Variants in TTC28 observed in about 807,000 individuals in gnomAD.
TTC28 encodes tetratricopeptide repeat domain 28, also known as tetratricopeptide repeat protein 28.
In TTC28, 61 loss-of-function variants were observed where a neutral mutation model predicts 198.0. The observed-to-expected ratio is 0.31, with a 90% CI of 0.25 to 0.38. TTC28 has a LOEUF of 0.38. TTC28 is among the 10% of genes least tolerant of loss of function. The pLI, the probability that TTC28 is intolerant of heterozygous loss-of-function variation, is 1.00. For missense variants in TTC28, 2,678 were observed against 3,164.0 expected, an observed-to-expected ratio of 0.85 and a Z score of 3.69; for synonymous variants, 1,171 against 1,297.8, an observed-to-expected ratio of 0.90 and a Z score of 2.10.
Position 28,191,430 on chromosome 22 carries a change from C to G in TTC28, c.934-27831G>C, listed in dbSNP as rs570685662. ...GCGGGTTCATCTCACTAGGGAGTGTCGGACAGTGGGTGCAGGTCAGTGGGT... is the reference window on the plus strand; with the variant it reads ...GCGGGTTCATCTCACTAGGGAGTGTGGGACAGTGGGTGCAGGTCAGTGGGT... On this transcript the variant is annotated intron_variant, in intron 5 of 22. Coordinates refer to ENST00000397906, the MANE Select transcript of TTC28 (RefSeq NM_001145418.2). 9.2e-4 allele frequency among the ~76,000 whole-genome samples: 140 copies of G among 152,308 alleles called. 1 individual carries two copies. The highest frequency in any genetic ancestry group is 3.2e-3 in the African/African-American group (133 of 41,574).
chr22:28,094,213 C>T lies in TTC28; in HGVS notation c.3799G>A (p.Glu1267Lys). The T allele has an allele frequency of 6.4e-7, 1 of 1,550,920 alleles. No individual in the cohort carries two copies. The highest frequency in any genetic ancestry group is 1.2e-5 in the South Asian group (1 of 83,914). ...TCACTTGAGTTTTCCACTGTGTTCT[C>T]ACCCAGGTAGTGTTCATGAAACTTC... The part of the protein sequence containing the change: ...IVKFHEHYLG[E>K]NTVENSSDFQ... Residue 1267 changes from glutamate to lysine, a missense_variant, in exon 12 of 23, where the codon GAG becomes AAG. This residue lies in a region of TTC28 where 727 missense variants were observed against 861.9 expected (regional missense o/e 0.84). Coordinates refer to ENST00000397906, the MANE Select transcript of TTC28 (RefSeq NM_001145418.2).
chr22:28,251,054 G>A (rs1569221792), intron 5 of TTC28, among the ~76,000 whole-genome samples: 2 of 152,206 alleles, frequency 1.3e-5, no homozygotes, highest in South Asian at 2.1e-4. Context: ...GTATCACAAA[G>A]CTACTTCTGA....
rs891491241 is a variant in TTC28 at position 28,342,771 on chromosome 22, T to C, written c.382-36128A>G. ...CAAATAAGCATATCTACACAGTATG[T>C]CTAACTCATAAGCTCTTGATCACAT... On this transcript the variant is annotated intron_variant, in intron 2 of 22. Coordinates refer to ENST00000397906, the MANE Select transcript of TTC28 (RefSeq NM_001145418.2). 2.6e-4 allele frequency among the ~76,000 whole-genome samples: 39 copies of C among 152,194 alleles called. 1 individual carries two copies. The highest frequency in any genetic ancestry group is 2.2e-3 in the Admixed American group (34 of 15,276).
chr22:28,343,330 G>C (rs986675425), intron 2 of TTC28, among the ~76,000 whole-genome samples: 1 of 152,052 alleles, frequency 6.6e-6, no homozygotes, highest in African/African-American at 2.4e-5. Context: ...AGGAGTTTGG[G>C]ACCAGCTTGG....
intron 5 of TTC28, among the ~76,000 whole-genome samples, chr22:28,207,291 T>C (rs1926508242): frequency 6.7e-6 from 1 of 148,782 alleles, no homozygotes; most frequent in Non-Finnish European, 1.5e-5. Flanking sequence ...TGTGATATCA[T>C]TCTGGGTTAA....
intron 2 of TTC28, among the ~76,000 whole-genome samples, chr22:28,416,870 C>T (rs1055632994): frequency 8.5e-5 from 13 of 152,138 alleles, no homozygotes; most frequent in African/African-American, 2.2e-4. Context: ...ATTTAATCAA[C>T]GAATATTCAC....
intron 1 of TTC28, among the ~76,000 whole-genome samples, chr22:28,644,195 C>G (rs541388859): frequency 6.6e-6 from 1 of 150,798 alleles, no homozygotes; most frequent in Non-Finnish European, 1.5e-5. Flanking sequence ...GTCAGGAGAT[C>G]GAGACCATCC....
At chr22:27,990,156 A>C (rs1937349596) in intron 20 of TTC28, 149 bp from the exon 21 acceptor site, 2 of 1,070,820 alleles carry the variant, frequency 1.9e-6, no homozygotes, top group Admixed American at 2.8e-5. Context: ...TTTCAGGTGC[A>C]TTCATACCTA....
intron 15 of TTC28, 27 bp downstream of exon 15, chr22:28,001,347 G>T (rs1569077123): frequency 1.3e-6 from 2 of 1,529,518 alleles, no homozygotes; most frequent in Admixed American, 2.0e-5. Flanking sequence ...CAAGCCCCCG[G>T]CCCCCCACCA....
intron 2 of TTC28, among the ~76,000 whole-genome samples, chr22:28,399,957 A>G (rs1288221854): frequency 6.6e-6 from 1 of 152,242 alleles, no homozygotes. Context: ...AGATGAGCAA[A>G]AAATCTTAAA....
intron 5 of TTC28, among the ~76,000 whole-genome samples, chr22:28,283,992 T>C (rs551397469): frequency 6.6e-6 from 1 of 152,294 alleles, no homozygotes; most frequent in Non-Finnish European, 1.5e-5. Context: ...AAAATAAAGA[T>C]TATCACTCAT....
intron 12 of TTC28, among the ~76,000 whole-genome samples, chr22:28,080,248 T>C (rs905936652): frequency 1.3e-5 from 2 of 152,242 alleles, no homozygotes; most frequent in Admixed American, 6.5e-5. Flanking sequence ...TTCTATTTTT[T>C]AGAGGAATGT....
At chr22:28,602,390 G>T (rs1448412614) in intron 2 of TTC28, among the ~76,000 whole-genome samples, 1 of 151,980 alleles carries the variant, frequency 6.6e-6, no homozygotes, top group African/African-American at 2.4e-5. Context: ...ATTTCAAGGG[G>T]GTCTGTGGTT....
intron 12 of TTC28, among the ~76,000 whole-genome samples, chr22:28,064,310 CA>C (rs1401312191): frequency 1.3e-5 from 2 of 152,148 alleles, no homozygotes; most frequent in African/African-American, 4.8e-5. Context: ...ACACACAAAT[CA>C]GAGGGAAAAG....
chr22:28,125,118 C>T (rs907036175), intron 6 of TTC28, among the ~76,000 whole-genome samples: 3 of 152,246 alleles, frequency 2.0e-5, no homozygotes, highest in Middle Eastern at 3.4e-3. Flanking sequence ...TTATCATTAC[C>T]GTATTACTTG....
chr22:28,339,879 G>T (rs1021721006), intron 2 of TTC28, among the ~76,000 whole-genome samples: 6 of 152,222 alleles, frequency 3.9e-5, no homozygotes, highest in Non-Finnish European at 8.8e-5. Context: ...CTCACACTCA[G>T]TGGGCTGCAC....
intron 2 of TTC28, among the ~76,000 whole-genome samples, chr22:28,428,739 C>T (rs974428279): frequency 7.9e-5 from 12 of 151,758 alleles, no homozygotes; most frequent in Non-Finnish European, 1.5e-4. Flanking sequence ...CCCGGGATCA[C>T]GCCATTCTCC....
intron 5 of TTC28, among the ~76,000 whole-genome samples, chr22:28,190,072 G>A (rs1482578013): frequency 6.6e-6 from 1 of 152,180 alleles, no homozygotes; most frequent in African/African-American, 2.4e-5. Flanking sequence ...AAGAGGTGAA[G>A]TAAATGGCCC....
chr22:28,212,304 CA>C (rs1927045325), intron 5 of TTC28, among the ~76,000 whole-genome samples: 1 of 151,504 alleles, frequency 6.6e-6, no homozygotes, highest in South Asian at 2.1e-4. Context: ...GATAGAGACA[CA>C]AAAAACCCTT....
Sources: allele counts gnomAD v4.1 joint callset (sites outside exome capture counted in the v4.1 genomes callset), GRCh38; gene constraint gnomAD v4.1.1; regional missense constraint gnomAD v4.1.1; transcripts MANE v1.5; gene names NCBI Gene and HGNC (gene_info 2026-07-23, HGNC 2026-07-21).